NEGR1: variants seen among roughly 807,000 people sequenced by gnomAD.
The protein encoded by NEGR1 is IgLON family member 4.
Under a neutral mutation model 40.9 loss-of-function variants are expected in NEGR1, and 10 were observed. That is an observed-to-expected ratio of 0.24 (90% confidence interval 0.15 to 0.42). NEGR1 has a LOEUF of 0.42. Ranked by LOEUF, NEGR1 falls within the 10% of genes least tolerant of loss-of-function variation. The probability of loss-of-function intolerance (pLI) is 1.00; values close to 1 mark genes in which losing one functional copy is unlikely to be tolerated. For missense variants in NEGR1, 352 were observed against 438.9 expected (o/e 0.80, Z 1.77); for synonymous variants, 185 against 166.8 (o/e 1.11, Z -0.84).
intron 3 of NEGR1, among the ~76,000 whole-genome samples, chr1:71,716,256 G>A (rs1030685723): frequency 2.0e-5 from 3 of 152,018 alleles, no homozygotes; most frequent in African/African-American, 2.4e-5. Context: ...AACTGGTCTC[G>A]CCCTTGCTAC....
chr1:72,271,602 G>A (rs1414524017), intron 1 of NEGR1, among the ~76,000 whole-genome samples: 1 of 151,804 alleles, frequency 6.6e-6, no homozygotes, highest in Non-Finnish European at 1.5e-5. Flanking sequence ...TAACTAAGAA[G>A]GAAGATATAC....
intron 2 of NEGR1, among the ~76,000 whole-genome samples, chr1:71,885,080 T>C (rs1660689454): frequency 6.6e-6 from 1 of 152,186 alleles, no homozygotes; most frequent in Non-Finnish European, 1.5e-5. Context: ...TTGGTAACTT[T>C]AGTCTGACAT....
intron 2 of NEGR1, among the ~76,000 whole-genome samples, chr1:71,816,220 C>G (rs944288985): frequency 6.6e-6 from 1 of 151,996 alleles, no homozygotes; most frequent in Non-Finnish European, 1.5e-5. Context: ...ATTATGTTGG[C>G]TTTTGTATGC....
At chr1:71,896,130 C>T (rs921289710) in intron 2 of NEGR1, among the ~76,000 whole-genome samples, 6 of 150,930 alleles carry the variant, frequency 4.0e-5, no homozygotes, top group East Asian at 3.9e-4. Context: ...CTCCTCCTCC[C>T]GAGCTCAAGT....
At chr1:71,760,664 A>G (rs1356939173) in intron 3 of NEGR1, among the ~76,000 whole-genome samples, 2 of 152,196 alleles carry the variant, frequency 1.3e-5, no homozygotes, top group Non-Finnish European at 2.9e-5. Flanking sequence ...TATTGTTGAA[A>G]TGTCATCAGC....
At chr1:71,451,403 G>A (rs1569888588) in intron 6 of NEGR1, among the ~76,000 whole-genome samples, 1 of 147,486 alleles carries the variant, frequency 6.8e-6, no homozygotes, top group South Asian at 2.1e-4. Context: ...GCACAATCTC[G>A]GCTCACTGCA....
intron 1 of NEGR1, among the ~76,000 whole-genome samples, chr1:72,192,012 T>C (rs1315867216): frequency 2.0e-5 from 3 of 152,010 alleles, no homozygotes. Flanking sequence ...TATAAAATTA[T>C]AGTCTTTACT....
intron 4 of NEGR1, among the ~76,000 whole-genome samples, chr1:71,627,921 G>C (rs908526973): frequency 1.3e-5 from 2 of 151,958 alleles, no homozygotes; most frequent in East Asian, 3.9e-4. Flanking sequence ...ATAGAGAATA[G>C]AGCTGCCTGT....
intron 2 of NEGR1, among the ~76,000 whole-genome samples, chr1:71,845,887 G>A (rs1659390284): frequency 6.8e-6 from 1 of 146,174 alleles, no homozygotes; most frequent in South Asian, 2.2e-4. Context: ...AGTCTTTCAT[G>A]TAGCTAGGAC....
chr1:71,776,348 T>G (rs749894130), intron 2 of NEGR1, 51 bp from the exon 3 acceptor site: 10 of 1,270,662 alleles, frequency 7.9e-6, no homozygotes, highest in Middle Eastern at 4.0e-4. Flanking sequence ...AAAGTTTTGT[T>G]GAAGTACGTA....
chr1:71,770,940 C>G (rs1033672500), intron 3 of NEGR1, among the ~76,000 whole-genome samples: 6 of 152,112 alleles, frequency 3.9e-5, no homozygotes, highest in African/African-American at 1.4e-4. Context: ...ACCCAGCAAT[C>G]TCATTACTGG....
intron 3 of NEGR1, among the ~76,000 whole-genome samples, chr1:71,767,974 A>G (rs1656189618): frequency 6.6e-6 from 1 of 152,238 alleles, no homozygotes; most frequent in Admixed American, 6.5e-5. Context: ...ACAGAGTACA[A>G]GAGCTGAGGC....
At chr1:72,274,940 C>G in intron 1 of NEGR1, 1 of 1,543,120 alleles carries the variant, frequency 6.5e-7, no homozygotes, top group Non-Finnish European at 9.0e-7. Context: ...TGCATGATCT[C>G]CTTTGCGCAC....
At chr1:71,913,326 G>C (rs1167548739) in intron 2 of NEGR1, among the ~76,000 whole-genome samples, 1 of 152,048 alleles carries the variant, frequency 6.6e-6, no homozygotes, top group Non-Finnish European at 1.5e-5. Flanking sequence ...TGTTGGCCAG[G>C]TTGGTCTTGA....
chr1:71,874,851 C>G (rs1258479318), intron 2 of NEGR1, among the ~76,000 whole-genome samples: 1 of 151,638 alleles, frequency 6.6e-6, no homozygotes, highest in Non-Finnish European at 1.5e-5. Context: ...TTTTCTTTTT[C>G]TTTTCTTTTT....
intron 2 of NEGR1, among the ~76,000 whole-genome samples, chr1:71,792,479 CT>C (rs1444959741): frequency 6.6e-6 from 1 of 152,164 alleles, no homozygotes; most frequent in Non-Finnish European, 1.5e-5. Flanking sequence ...CACACTTCCT[CT>C]TTTTTTCCCA....
chr1:71,921,835 T>A (rs1645723569), intron 2 of NEGR1, among the ~76,000 whole-genome samples: 1 of 151,436 alleles, frequency 6.6e-6, no homozygotes, highest in Non-Finnish European at 1.5e-5. Flanking sequence ...CAGTTAATAG[T>A]AGGCTATTAG....
intron 6 of NEGR1, among the ~76,000 whole-genome samples, chr1:71,565,240 A>T (rs1648581809): frequency 6.6e-6 from 1 of 152,102 alleles, no homozygotes; most frequent in African/African-American, 2.4e-5. Flanking sequence ...ATCCTACTTG[A>T]CTTAATCCTT....
rs188914240 is a variant in NEGR1, at chr1:72,236,112, A to G, written c.176+46207T>C. ...GGAATACTATGCAGCCATAAAAAGG[A>G]TGAGTTCATGCCATTTGCAGGAACA... is the stretch of plus-strand genomic sequence containing the variant. On this transcript the variant is annotated intron_variant, in intron 1 of 6. Coordinates refer to ENST00000357731, the MANE Select transcript of NEGR1 (RefSeq NM_173808.3). Among the ~76,000 whole-genome samples, 609 of 152,264 alleles carry G rather than the reference A, an allele frequency of 4.0e-3. 4 individuals carry two copies. The highest frequency in any genetic ancestry group is 0.014 in the African/African-American group (578 of 41,570).
Sources: allele counts gnomAD v4.1 joint callset (sites outside exome capture counted in the v4.1 genomes callset), GRCh38; gene constraint gnomAD v4.1.1; transcripts MANE v1.5; gene names NCBI Gene and HGNC (gene_info 2026-07-23, HGNC 2026-07-21).